LRP1B: variants seen among roughly 807,000 people sequenced by gnomAD.
LRP1B encodes LDL receptor related protein 1B.
A neutral mutation model predicts 556.6 loss-of-function variants in LRP1B; 217 were observed. That is an observed-to-expected ratio of 0.39 (90% CI 0.35 to 0.44). The LOEUF (loss-of-function observed/expected upper bound fraction) is 0.44, where lower values mean the gene tolerates loss of function less well. Ranked by LOEUF, LRP1B falls within the 20% of genes least tolerant of loss-of-function variation. The pLI, the probability that LRP1B is intolerant of heterozygous loss-of-function variation, is 1.00. For missense variants in LRP1B, 5,053 were observed against 5,620.8 expected (o/e 0.90, Z 3.23); for synonymous variants, 2,047 against 1,865.8 (o/e 1.10, Z -2.50).
At chr2:141,824,427 T>C (rs2105734912) in intron 1 of LRP1B, among the ~76,000 whole-genome samples, 1 of 152,312 alleles carries the variant, frequency 6.6e-6, no homozygotes, top group South Asian at 2.1e-4. Context: ...TGGCGCGATC[T>C]CGGCTCACTG....
intron 60 of LRP1B, among the ~76,000 whole-genome samples, chr2:140,463,232 G>A (rs1221598456): frequency 6.6e-6 from 1 of 152,082 alleles, no homozygotes; most frequent in African/African-American, 2.4e-5. Flanking sequence ...AAGAGTGGGT[G>A]GGTGGGAAAA....
At chr2:140,800,791 C>T (rs572875510) in intron 32 of LRP1B, among the ~76,000 whole-genome samples, 8 of 151,940 alleles carry the variant, frequency 5.3e-5, no homozygotes, top group Non-Finnish European at 1.2e-4. Context: ...TCCTTCTTTC[C>T]TTGCATTTCT....
intron 7 of LRP1B, among the ~76,000 whole-genome samples, chr2:141,111,546 C>T (rs1700750767): frequency 6.6e-6 from 1 of 152,146 alleles, no homozygotes; most frequent in African/African-American, 2.4e-5. Context: ...TACTACGGGG[C>T]TTGCCTAAAC....
chr2:141,873,098 T>C (rs1698641875), intron 1 of LRP1B, among the ~76,000 whole-genome samples: 1 of 151,906 alleles, frequency 6.6e-6, no homozygotes. Flanking sequence ...TGGGGACAAA[T>C]GGAAAGAATG....
Position 140,233,239 on chromosome 2 carries a change from T to C in LRP1B, c.13747A>G (p.Lys4583Glu), listed in dbSNP as rs1268989613. The C allele has an allele frequency of 1.2e-6, 2 of 1,606,058 alleles. No homozygotes were observed. Among genetic ancestry groups the C allele is most frequent in the South Asian group, 2.2e-5 (2 of 90,766 alleles). ...RNSLGSVDER[K>E]ELLPKKIEIG... ...TCTATTTTCTTTGGAAGCAGTTCTT[T>C]CCTTTCATCAACACTTCCTAAGGAG... The change falls in exon 91 of 91, where the codon AAA becomes GAA. Residue 4583 changes from lysine to glutamate, a missense_variant. By Grantham distance (56) the Lys-to-Glu change is moderately conservative. Coordinates refer to ENST00000389484, the MANE Select transcript of LRP1B (RefSeq NM_018557.3).
chr2:141,045,082 A>G (rs918697370), intron 11 of LRP1B, among the ~76,000 whole-genome samples: 3 of 148,062 alleles, frequency 2.0e-5, no homozygotes, highest in African/African-American at 5.0e-5. Flanking sequence ...ACGGAATACT[A>G]TGCAGCCATA....
chr2:141,797,146 C>CATATATAT (rs6146945), intron 2 of LRP1B, among the ~76,000 whole-genome samples: 155 of 79,024 alleles, frequency 2.0e-3, no homozygotes, highest in Non-Finnish European at 2.4e-3. Flanking sequence ...TGAAAATAAT[C>CATATATAT]ATATATATAT....
rs552566404 is a variant in LRP1B at position 140,624,087 on chromosome 2, T to C, written c.6800-22448A>G. ...AAATAATAAATACAATGTAATTCTCTAGCAACTGAATTTAGCTATGACTGA... is the reference window on the plus strand; with the variant it reads ...AAATAATAAATACAATGTAATTCTCCAGCAACTGAATTTAGCTATGACTGA... On this transcript the variant is annotated intron_variant, in intron 41 of 90. Transcript: ENST00000389484. 7.8e-4 allele frequency among the ~76,000 whole-genome samples: 119 copies of C among 151,812 alleles called. 1 individual carries two copies. The highest frequency in any genetic ancestry group is 2.8e-3 in the African/African-American group (114 of 41,398).
chr2:141,865,578 C>T (rs1344669750), intron 1 of LRP1B, among the ~76,000 whole-genome samples: 3 of 115,284 alleles, frequency 2.6e-5, no homozygotes, highest in African/African-American at 3.5e-5. Flanking sequence ...GGCGACAGAG[C>T]GAGACTCCGT....
chr2:141,583,399 C>T (rs1170785480), intron 2 of LRP1B, among the ~76,000 whole-genome samples: 1 of 151,916 alleles, frequency 6.6e-6, no homozygotes, highest in South Asian at 2.1e-4. Context: ...TGGGAAAATA[C>T]AAGAAGTTTT....
chr2:141,143,824 G>C (rs993398145), intron 7 of LRP1B, among the ~76,000 whole-genome samples: 1 of 117,168 alleles, frequency 8.5e-6, no homozygotes, highest in Non-Finnish European at 1.8e-5. Context: ...TCTGTCAAGA[G>C]CTTTCCTAAT....
chr2:141,946,133 T>C (rs1700948703), intron 1 of LRP1B, among the ~76,000 whole-genome samples: 1 of 152,046 alleles, frequency 6.6e-6, no homozygotes, highest in African/African-American at 2.4e-5. Context: ...AGTATTTTCC[T>C]ACCCAATTCT....
chr2:141,044,946 T>C (rs1698822508), intron 11 of LRP1B, among the ~76,000 whole-genome samples: 1 of 150,932 alleles, frequency 6.6e-6, no homozygotes, highest in South Asian at 2.1e-4. Flanking sequence ...CTATAAATCA[T>C]GCTGCTATAA....
intron 7 of LRP1B, among the ~76,000 whole-genome samples, chr2:141,069,181 G>C (rs1028236921): frequency 2.6e-5 from 4 of 151,838 alleles, no homozygotes; most frequent in Admixed American, 2.6e-4. Context: ...CTTCACCCCA[G>C]TACTACCTCT....
intron 1 of LRP1B, among the ~76,000 whole-genome samples, chr2:141,885,833 G>A (rs1300015940): frequency 1.3e-5 from 2 of 152,200 alleles, no homozygotes. Context: ...CTGAAAGCTT[G>A]TGGTAAATAA....
At chr2:141,682,537 T>C (rs1224576760) in intron 2 of LRP1B, among the ~76,000 whole-genome samples, 6 of 152,112 alleles carry the variant, frequency 3.9e-5, no homozygotes, top group Non-Finnish European at 8.8e-5. Flanking sequence ...ATACCTCTGC[T>C]GAAAAAGTGG....
At position 141,004,987 on chromosome 2, in the gene LRP1B, T is replaced by C. The variant is rs137870280; in HGVS notation, c.2503+348A>G. On this transcript the variant is annotated intron_variant, in intron 15 of 90. Coordinates refer to ENST00000389484, the MANE Select transcript of LRP1B (RefSeq NM_018557.3). ...GAGTCAGGAAGCCATTTAAAGTCAT[T>C]GTAGGCCTATGTTGTGCGTCAACTT... Among the ~76,000 whole-genome samples, 455 of 152,144 alleles carry C rather than the reference T, an allele frequency of 3.0e-3. 3 individuals carry two copies. The highest frequency in any genetic ancestry group is 5.3e-3 in the Admixed American group (81 of 15,256).
At chr2:140,897,323 C>T (rs1400336438) in intron 23 of LRP1B, among the ~76,000 whole-genome samples, 1 of 152,122 alleles carries the variant, frequency 6.6e-6, no homozygotes, top group Non-Finnish European at 1.5e-5. Context: ...TCCTGTTTTT[C>T]ATGCCTCATT....
At chr2:140,346,819 A>T (rs890809803) in intron 77 of LRP1B, among the ~76,000 whole-genome samples, 9 of 151,968 alleles carry the variant, frequency 5.9e-5, no homozygotes, top group Non-Finnish European at 1.0e-4. Context: ...ACTTAAATAG[A>T]TATTTTGCTA....
Sources: gnomAD v4.1 joint callset for allele counts (sites outside exome capture counted in the v4.1 genomes callset) on GRCh38, gnomAD v4.1.1 for gene constraint, MANE v1.5 for transcripts, NCBI Gene and HGNC (gene_info 2026-07-23, HGNC 2026-07-21) for gene names.